Variants in ATG2B observed in about 807,000 individuals in gnomAD.
ATG2B encodes the protein autophagy-related protein 2 homolog B.
Under a neutral mutation model 241.3 loss-of-function variants are expected in ATG2B, and 121 were observed. The ratio of observed to expected loss-of-function variants is 0.50; its 90% CI spans 0.43 to 0.58. ATG2B has a LOEUF of 0.58. Ranked by LOEUF, ATG2B falls within the 20% of genes least tolerant of loss-of-function variation. The pLI is 0.00. For synonymous variants in ATG2B, 858 were observed against 876.6 expected (o/e 0.98, Z 0.37); for missense variants, 2,306 against 2,491.6 (o/e 0.93, Z 1.59).
chr14:96,315,979 A>T (rs886930812), intron 21 of ATG2B, among the ~76,000 whole-genome samples: 1 of 152,240 alleles, frequency 6.6e-6, no homozygotes, highest in Non-Finnish European at 1.5e-5. Flanking sequence ...ATAAGATGTG[A>T]TCTATCTTTA....
intron 1 of ATG2B, among the ~76,000 whole-genome samples, chr14:96,352,792 G>GAA (rs149330839): frequency 2.7e-5 from 4 of 147,260 alleles, no homozygotes; most frequent in African/African-American, 5.0e-5. Context: ...ACTTATTATT[G>GAA]AAAAAAAAAA....
At position 96,285,989 on chromosome 14, in the gene ATG2B, C is replaced by A. The variant is rs376183104; in HGVS notation, c.6007-4G>T. 38 of 1,607,690 alleles carry A rather than the reference C, an allele frequency of 2.4e-5. 1 individual carries two copies. In the South Asian group the frequency reaches 3.5e-4, roughly 15 times the overall value. On this transcript the variant is annotated splice_polypyrimidine_tract_variant and splice_region_variant and intron_variant, in intron 41 of 41. Transcript: ENST00000359933. The surrounding 1 kb of genome is among the most constrained non-coding windows in gnomAD (Gnocchi z 4.2). ...TCTGAGCCGTGTCTGTGATTCCCTG[C>A]GTAGAGGAGGGAGGTAGGAGAGAGG...
At chr14:96,334,950 T>C (rs1363371928) in intron 6 of ATG2B, among the ~76,000 whole-genome samples, 2 of 152,204 alleles carry the variant, frequency 1.3e-5, no homozygotes, top group East Asian at 1.9e-4. Context: ...TAGCAGAGCA[T>C]GTAAGGACCT....
Position 96,341,680 on chromosome 14 carries a change from G to C in ATG2B, c.766C>G (p.Pro256Ala). 3 of 1,580,704 alleles carry C rather than the reference G, an allele frequency of 1.9e-6. No individual in the cohort carries two copies. ...TAAATAATTTTGGGGTTCCAGCTAG[G>C]TGAGAGCTTTGGCTCAGTTTCCTAC... ...APVETEPKLS[P>A]SWNPKIIYEP... The change falls in exon 6 of 42, where the codon CCT becomes GCT. Residue 256 changes from proline (P) to alanine (A), a missense_variant. Physicochemically the swap from Pro to Ala is conservative, Grantham distance 27 (BLOSUM62 -1). This residue lies in a region of ATG2B where 1,927 missense variants were observed against 2,011.2 expected (regional missense o/e 0.96). Coordinates refer to ENST00000359933, the MANE Select transcript of ATG2B (RefSeq NM_018036.7).
Position 96,321,380 on chromosome 14 carries a change from C to T in ATG2B, c.2879+732G>A, listed in dbSNP as rs994187440. ...ACATGACAATCTTTCAGGTATGCTA[C>T]GGAGAAATCCCTTCAGTGGGTAGGA... On this transcript the variant is annotated intron_variant, in intron 18 of 41. Coordinates refer to ENST00000359933, the MANE Select transcript of ATG2B (RefSeq NM_018036.7). Among the ~76,000 whole-genome samples, 14 of 152,136 alleles carry T rather than the reference C, an allele frequency of 9.2e-5. No individual in the cohort carries two copies. The East Asian group carries it at 1.5e-3, about 17-fold the overall frequency.
In ATG2B at chr14:96,279,415, A is replaced by ATTC. The variant is rs1886136942; in HGVS notation, c.*6337_*6339dup. 1 of 151,852 alleles carries ATTC rather than the reference A, an allele frequency of 6.6e-6. No individual in the cohort carries two copies. Among genetic ancestry groups the ATTC allele is most frequent in the South Asian group, 2.1e-4 (1 of 4,802 alleles). The allele number at this position is 151,852 out of a possible 1,614,324, so 9.4% of individuals were successfully genotyped here. On this transcript the variant is annotated 3_prime_UTR_variant, in exon 42 of 42. Coordinates refer to ENST00000359933, the MANE Select transcript of ATG2B (RefSeq NM_018036.7). ...CTCGGGTTCACTCACTCATTCATTCATTCATTCACTCATTCACCATTTGCT... is the reference window on the plus strand; with the variant it reads ...CTCGGGTTCACTCACTCATTCATTCATTCTTCATTCACTCATTCACCATTTGCT...
At position 96,295,573 on chromosome 14, in the gene ATG2B, G is replaced by T. The variant is rs1197797137; in HGVS notation, c.5140-13C>A. On this transcript the variant is annotated splice_polypyrimidine_tract_variant and intron_variant, in intron 34 of 41. Transcript: ENST00000359933. Reference sequence around the variant, plus strand: ...AGAACAAAGCATCCTAAAATTAAGAGATGTAATTTTAACTAAGGAAGAAAA... The same window carrying T: ...AGAACAAAGCATCCTAAAATTAAGATATGTAATTTTAACTAAGGAAGAAAA... 2.6e-6 allele frequency: 4 copies of T among 1,551,688 alleles called. No homozygotes were observed. Among genetic ancestry groups the T allele is most frequent in the South Asian group, 2.4e-5 (2 of 84,354 alleles).
At chr14:96,347,958 A>G (rs373730861) in intron 1 of ATG2B, among the ~76,000 whole-genome samples, 1 of 152,192 alleles carries the variant, frequency 6.6e-6, no homozygotes, top group African/African-American at 2.4e-5. Flanking sequence ...TAGAACTACT[A>G]TATGATTCGG....
intron 29 of ATG2B, 64 bp from the exon 30 acceptor site, chr14:96,306,980 C>T: frequency 7.4e-7 from 1 of 1,354,674 alleles, no homozygotes; most frequent in South Asian, 1.3e-5. Context: ...AGCATTTTAA[C>T]CATGTGTCAG....
At chr14:96,312,359 A>G (rs1449235820) in intron 25 of ATG2B, among the ~76,000 whole-genome samples, 200 bp from the exon 26 acceptor site, 1 of 152,248 alleles carries the variant, frequency 6.6e-6, no homozygotes, top group East Asian at 1.9e-4. Context: ...GGTGTAAAGA[A>G]TTAGATTAAA....
intron 41 of ATG2B, among the ~76,000 whole-genome samples, chr14:96,286,767 CATTATT>C (rs1048092615): frequency 6.6e-6 from 1 of 151,784 alleles, no homozygotes. Flanking sequence ...AGCAACATTC[CATTATT>C]ATTATTATAT....
chr14:96,297,311 AC>A (rs2139842623), intron 34 of ATG2B, among the ~76,000 whole-genome samples: 1 of 151,014 alleles, frequency 6.6e-6, no homozygotes, highest in Non-Finnish European at 1.5e-5. Context: ...AAAAAGGGAG[AC>A]TAAAGATACA....
chr14:96,296,973 C>CA (rs947270269), intron 34 of ATG2B, among the ~76,000 whole-genome samples: 1 of 151,914 alleles, frequency 6.6e-6, no homozygotes, highest in Non-Finnish European at 1.5e-5. Context: ...GGAGACTAAG[C>CA]AATGGACTGC....
At chr14:96,303,993 C>CT (rs1467090933) in intron 32 of ATG2B, among the ~76,000 whole-genome samples, 1 of 152,198 alleles carries the variant, frequency 6.6e-6, no homozygotes, top group Non-Finnish European at 1.5e-5. Flanking sequence ...GCTAACTATC[C>CT]TAAAATATGA....
chr14:96,325,961 AG>A, intron 14 of ATG2B, 39 bp from the exon 15 acceptor site: 1 of 1,586,714 alleles, frequency 6.3e-7, no homozygotes. Context: ...AAAATATTAA[AG>A]TAAATGAACA....
intron 6 of ATG2B, among the ~76,000 whole-genome samples, chr14:96,337,791 T>C (rs1887905097): frequency 6.6e-6 from 1 of 152,176 alleles, no homozygotes; most frequent in Non-Finnish European, 1.5e-5. Context: ...AATTTTAGGG[T>C]TGTTTTTTCT....
In ATG2B at chr14:96,336,873, G is replaced by C. The variant is rs118079305; in HGVS notation, c.925-2372C>G. Among the ~76,000 whole-genome samples the C allele has an allele frequency of 4.0e-3, 606 of 152,268 alleles. 22 individuals are homozygous for C. In the South Asian group the frequency reaches 0.058, roughly 15 times the overall value. On this transcript the variant is annotated intron_variant, in intron 6 of 41. Transcript: ENST00000359933. Reference sequence around the variant, plus strand: ...TACTTGTAAAGGGCCTTTTGACATTGTAAAAGGATTTTGCACCATCTGAAG... The same window carrying C: ...TACTTGTAAAGGGCCTTTTGACATTCTAAAAGGATTTTGCACCATCTGAAG...
Position 96,347,211 on chromosome 14 carries a change from A to G in ATG2B, c.293T>C (p.Leu98Ser). The change falls in exon 2 of 42, where the codon TTA (leucine) becomes TCA (serine). Residue 98 changes from leucine to serine, a missense_variant. Transcript: ENST00000359933. ...AGGTCTAGGCCGGAAGACCATTTCT[A>G]ATCCTCTCACTTCCAGTGCACAATT... ...QDNCALEVRG[L>S]EMVFRPRPRP... 1.2e-6 allele frequency: 2 copies of G among 1,604,558 alleles called. No homozygotes were observed. The highest frequency in any genetic ancestry group is 1.7e-6 in the Non-Finnish European group (2 of 1,172,668).
rs1317267580 is a variant in ATG2B, at chr14:96,282,535, A to C, written c.*3220T>G. Reference sequence around the variant, plus strand: ...GACGCCAAGTCACACAGCTCTTTACACATTGAAAATCTGAGTTAATGTTAA... The same window carrying C: ...GACGCCAAGTCACACAGCTCTTTACCCATTGAAAATCTGAGTTAATGTTAA... On this transcript the variant is annotated 3_prime_UTR_variant, in exon 42 of 42. Transcript: ENST00000359933. 1 of 152,274 alleles carries C rather than the reference A, an allele frequency of 6.6e-6. No individual in the cohort carries two copies. The highest frequency in any genetic ancestry group is 2.4e-5 in the African/African-American group (1 of 41,476). The allele number at this position is 152,274 out of a possible 1,614,324, so 9.4% of individuals were successfully genotyped here. A position where few individuals can be genotyped will look rare whatever the true frequency, so the allele number is the denominator to read the frequency against.
Sources: gnomAD v4.1 joint callset for allele counts (sites outside exome capture counted in the v4.1 genomes callset) on GRCh38, gnomAD v4.1.1 for gene constraint, gnomAD v4.1.1 regional missense constraint, Gnocchi (gnomAD v3.1) non-coding constraint, MANE v1.5 for transcripts, NCBI Gene and HGNC (gene_info 2026-07-23, HGNC 2026-07-21) for gene names.